RALGPS1: variants seen among roughly 807,000 people sequenced by gnomAD.
The protein encoded by RALGPS1 is Ral GEF with PH domain and SH3 binding motif 1, also known as ras-specific guanine nucleotide-releasing factor RalGPS1.
RALGPS1 carries 19 observed loss-of-function variants against 78.8 expected under a neutral mutation model. The observed-to-expected ratio is 0.24, with a 90% CI of 0.17 to 0.35. The LOEUF (loss-of-function observed/expected upper bound fraction) is 0.35, where lower values mean the gene tolerates loss of function less well. RALGPS1 is among the 10% of genes least tolerant of loss of function. The probability of loss-of-function intolerance (pLI) is 1.00; values close to 1 mark genes in which losing one functional copy is unlikely to be tolerated. For missense variants in RALGPS1, 454 were observed against 688.3 expected (o/e 0.66, Z 3.81); for synonymous variants, 228 against 256.3 (o/e 0.89, Z 1.06).
At chr9:127,127,650 A>G (rs1041845282) in intron 8 of RALGPS1, among the ~76,000 whole-genome samples, 1 of 152,244 alleles carries the variant, frequency 6.6e-6, no homozygotes, top group Admixed American at 6.5e-5. Context: ...TTATGTAGCT[A>G]CTTGTGATGT....
chr9:126,999,369 C>T (rs1022413723), intron 4 of RALGPS1, among the ~76,000 whole-genome samples: 9 of 152,214 alleles, frequency 5.9e-5, no homozygotes, highest in Non-Finnish European at 1.2e-4. Context: ...AGAGTTAATT[C>T]GTGGTGTTGT....
intron 8 of RALGPS1, among the ~76,000 whole-genome samples, chr9:127,132,193 G>A (rs940945511): frequency 1.3e-5 from 2 of 152,134 alleles, no homozygotes; most frequent in African/African-American, 2.4e-5. Context: ...ACTCTTCTGA[G>A]TGTCATTGAC....
At chr9:126,954,191 C>T (rs1394096233) in intron 1 of RALGPS1, among the ~76,000 whole-genome samples, 1 of 152,176 alleles carries the variant, frequency 6.6e-6, no homozygotes, top group Admixed American at 6.5e-5. Context: ...GAATGAACTA[C>T]CAAGCAGTGT....
intron 8 of RALGPS1, among the ~76,000 whole-genome samples, chr9:127,077,627 G>A (rs1469621288): frequency 1.3e-5 from 2 of 152,220 alleles, no homozygotes; most frequent in African/African-American, 4.8e-5. Flanking sequence ...TTAACTGGCT[G>A]TCCCTAGGTT....
At chr9:127,123,184 C>T (rs1053131029) in intron 8 of RALGPS1, among the ~76,000 whole-genome samples, 4 of 152,196 alleles carry the variant, frequency 2.6e-5, no homozygotes, top group Admixed American at 2.6e-4. Flanking sequence ...ATCTCTAAAC[C>T]CTGGGGAAAG....
At chr9:127,169,620 G>A (rs1247877579) in intron 10 of RALGPS1, among the ~76,000 whole-genome samples, 1 of 152,078 alleles carries the variant, frequency 6.6e-6, no homozygotes, top group Non-Finnish European at 1.5e-5. Context: ...CCTCTTAAAT[G>A]TCAACTTCAC....
intron 9 of RALGPS1, among the ~76,000 whole-genome samples, chr9:127,167,783 G>A (rs1039801957): frequency 3.3e-5 from 5 of 152,144 alleles, no homozygotes; most frequent in African/African-American, 7.2e-5. Flanking sequence ...GTCCTTCCTC[G>A]CCCTCTTTTC....
rs533537355 is a variant in RALGPS1 at position 126,953,001 on chromosome 9, G to A, written c.-65-9224G>A. Among the ~76,000 whole-genome samples the A allele has an allele frequency of 2.6e-5, 4 of 152,196 alleles. No individual in the cohort carries two copies. The East Asian group carries it at 7.7e-4, about 29-fold the overall frequency. ...TGTAATTGAGCATTCCTGGACGTGT[G>A]TATTTTCTTTGAAACAACCTCCTTA... On this transcript the variant is annotated intron_variant, in intron 1 of 18. Coordinates refer to ENST00000259351, the MANE Select transcript of RALGPS1 (RefSeq NM_014636.3).
intron 7 of RALGPS1, among the ~76,000 whole-genome samples, chr9:127,060,886 G>A (rs2049153959): frequency 6.6e-6 from 1 of 152,116 alleles, no homozygotes; most frequent in African/African-American, 2.4e-5. Context: ...TTTTTGATCT[G>A]CCATTTGAGC....
chr9:126,965,801 G>A (rs769426414), intron 2 of RALGPS1, 43 bp from the exon 3 acceptor site: 9 of 1,475,528 alleles, frequency 6.1e-6, no homozygotes, highest in South Asian at 1.1e-5. Context: ...ATGATTCCAC[G>A]TCATATCATT....
chr9:127,206,427 C>G (rs2061932838), intron 14 of RALGPS1, among the ~76,000 whole-genome samples: 1 of 152,176 alleles, frequency 6.6e-6, no homozygotes, highest in African/African-American at 2.4e-5. Flanking sequence ...TGTTCTTCTT[C>G]ATATGGTGGT....
intron 11 of RALGPS1, among the ~76,000 whole-genome samples, chr9:127,179,272 G>A (rs912638391): frequency 6.6e-6 from 1 of 152,232 alleles, no homozygotes; most frequent in Non-Finnish European, 1.5e-5. Flanking sequence ...CACACTCGGG[G>A]GTCCCAGCTT....
intron 12 of RALGPS1, among the ~76,000 whole-genome samples, chr9:127,196,019 G>T (rs925878234): frequency 6.6e-6 from 1 of 152,254 alleles, no homozygotes; most frequent in African/African-American, 2.4e-5. Flanking sequence ...GGCCTCTGAG[G>T]TGGGTGCTAT....
In RALGPS1 at chr9:127,217,001, A is replaced by T. The variant is rs2062624530; in HGVS notation, c.1645-1739A>T. ...GGAAGGAGGCAGGGCCCTGTGCCTG[A>T]AGCCTGGGCACCATGGTGGCCCCAG... On this transcript the variant is annotated intron_variant, in intron 18 of 18. Transcript: ENST00000259351. The T allele has an allele frequency of 2.0e-6, 3 of 1,532,458 alleles. No individual in the cohort carries two copies. In the East Asian group the frequency reaches 7.5e-5, roughly 38 times the overall value. 94.9% of individuals were successfully genotyped at this position (1,532,458 alleles called of 1,614,324 possible).
intron 8 of RALGPS1, among the ~76,000 whole-genome samples, chr9:127,102,895 G>C (rs1234238785): frequency 6.6e-6 from 1 of 152,240 alleles, no homozygotes; most frequent in Non-Finnish European, 1.5e-5. Context: ...GTATTGTACA[G>C]TGGAAACAGC....
chr9:127,139,208 C>T (rs2138583140), intron 8 of RALGPS1, among the ~76,000 whole-genome samples: 1 of 152,292 alleles, frequency 6.6e-6, no homozygotes, highest in Admixed American at 6.5e-5. Flanking sequence ...CACGGCAGAC[C>T]TAGTGAGGTA....
At position 127,091,234 on chromosome 9, in the gene RALGPS1, G is replaced by A. The variant is rs555699083; in HGVS notation, c.610+21878G>A. On this transcript the variant is annotated intron_variant, in intron 8 of 18. Coordinates refer to ENST00000259351, the MANE Select transcript of RALGPS1 (RefSeq NM_014636.3). The surrounding 1 kb of genome is among the most constrained non-coding windows in gnomAD (Gnocchi z 4.3). ...AGAAACTGAGACCCACGGAGATTTA[G>A]CAGTATGCCCAAGGACACATGGCTG... 1.3e-5 allele frequency among the ~76,000 whole-genome samples: 2 copies of A among 152,366 alleles called. No individual in the cohort carries two copies. The highest frequency in any genetic ancestry group is 1.3e-4 in the Admixed American group (2 of 15,310).
chr9:127,074,938 G>T (rs1289780908), intron 8 of RALGPS1, among the ~76,000 whole-genome samples: 2 of 152,248 alleles, frequency 1.3e-5, no homozygotes, highest in Non-Finnish European at 2.9e-5. Context: ...CAGGCACTGT[G>T]TGAAGGGTAT....
chr9:127,059,745 C>T (rs2049040459), intron 7 of RALGPS1, among the ~76,000 whole-genome samples: 1 of 152,000 alleles, frequency 6.6e-6, no homozygotes, highest in South Asian at 2.1e-4. Flanking sequence ...GATCCCTCTG[C>T]TTGCATGTTC....
Sources: allele counts gnomAD v4.1 joint callset (sites outside exome capture counted in the v4.1 genomes callset), GRCh38; gene constraint gnomAD v4.1.1; non-coding constraint Gnocchi (gnomAD v3.1); transcripts MANE v1.5; gene names NCBI Gene and HGNC (gene_info 2026-07-23, HGNC 2026-07-21).